Variants in GARRE1 observed in about 807,000 individuals in gnomAD.
The protein encoded by GARRE1 is granule associated Rac and RHOG effector 1, also known as granule associated Rac and RHOG effector protein 1.
Under a neutral mutation model 103.2 loss-of-function variants are expected in GARRE1, and 49 were observed. That is an observed-to-expected ratio of 0.47 (90% CI 0.38 to 0.60). The LOEUF is 0.60. Ranked by LOEUF, GARRE1 falls within the 20% of genes least tolerant of loss-of-function variation. The pLI, the probability that GARRE1 is intolerant of heterozygous loss-of-function variation, is 0.00. For synonymous variants in GARRE1, 505 were observed against 532.8 expected (o/e 0.95, Z 0.72); for missense variants, 1,199 against 1,370.5 (o/e 0.87, Z 1.98).
At position 34,354,923 on chromosome 19, in the gene GARRE1, T is replaced by C. The variant is rs2074263453; in HGVS notation, c.*1968T>C. On this transcript the variant is annotated 3_prime_UTR_variant, in exon 14 of 14. Transcript: ENST00000299505. Reference sequence around the variant, plus strand: ...CATGTTTACAAAGAACTGTTTTGTATATAGACATTTTCAGGCACGTGCTTT... The same window carrying C: ...CATGTTTACAAAGAACTGTTTTGTACATAGACATTTTCAGGCACGTGCTTT... The C allele has an allele frequency of 6.6e-6, 1 of 152,650 alleles. No individual in the cohort carries two copies. 9.5% of individuals were successfully genotyped at this position (152,650 alleles called of 1,614,324 possible).
Position 34,330,221 on chromosome 19 carries a change from C to G in GARRE1, c.1137C>G (p.Gly379=). 6.2e-7 allele frequency: 1 copy of G among 1,614,032 alleles called. No homozygotes were observed. The highest frequency in any genetic ancestry group is 2.2e-5 in the East Asian group (1 of 44,890). Residue 379 remains glycine (G), a synonymous_variant, in exon 7 of 14, where the codon GGC becomes GGG. Transcript: ENST00000299505. ...TGTTACAGCTGATGAAGGAGGCAGG[C>G]TGCTATAATGGAATCACATCCAGGG... is the stretch of plus-strand genomic sequence containing the variant. ...HTMLQLMKEA[G]CYNGITSRDD...
chr19:34,332,979 A>C (rs2074144166), intron 7 of GARRE1, among the ~76,000 whole-genome samples: 1 of 152,192 alleles, frequency 6.6e-6, no homozygotes, highest in Non-Finnish European at 1.5e-5. Context: ...ATAATCTTTA[A>C]AAAAGTTTCA....
chr19:34,261,419 T>TGCTCAA (rs1281879458), intron 1 of GARRE1, among the ~76,000 whole-genome samples: 145 of 152,274 alleles, frequency 9.5e-4, no homozygotes, highest in African/African-American at 3.5e-3. Context: ...TCTTTGAGCT[T>TGCTCAA]AGATAGCCTA....
chr19:34,284,226 G>A (rs886545043), intron 1 of GARRE1, among the ~76,000 whole-genome samples: 8 of 147,392 alleles, frequency 5.4e-5, no homozygotes, highest in Admixed American at 3.5e-4. Flanking sequence ...CACCTCCCAA[G>A]CGATTCTCCT....
intron 1 of GARRE1, chr19:34,296,693 C>T: frequency 2.5e-6 from 2 of 790,230 alleles, no homozygotes; most frequent in South Asian, 1.5e-5. Context: ...CATTTCTGTG[C>T]CATTTTCGGG....
rs140427267 is a variant in GARRE1 at position 34,353,377 on chromosome 19, T to C, written c.*422T>C. 21 of 195,588 alleles carry C rather than the reference T, an allele frequency of 1.1e-4. No homozygotes were observed. The East Asian group carries it at 2.5e-3, about 24-fold the overall frequency. 12.1% of individuals were successfully genotyped at this position (195,588 alleles called of 1,614,324 possible). On this transcript the variant is annotated 3_prime_UTR_variant, in exon 14 of 14. Coordinates refer to ENST00000299505, the MANE Select transcript of GARRE1 (RefSeq NM_014686.5). ...TTTTTGGAAACCCTCTCCTCCCTCCTCCACACCTTGAGTGATGACCACACC... is the reference window on the plus strand; with the variant it reads ...TTTTTGGAAACCCTCTCCTCCCTCCCCCACACCTTGAGTGATGACCACACC...
chr19:34,318,773 A>G (rs2145258735), intron 2 of GARRE1, among the ~76,000 whole-genome samples: 1 of 152,178 alleles, frequency 6.6e-6, no homozygotes, highest in Middle Eastern at 3.4e-3. Flanking sequence ...CGGGCATGGG[A>G]GCTCATGCCT....
intron 2 of GARRE1, among the ~76,000 whole-genome samples, chr19:34,318,104 G>T (rs749974907): frequency 6.6e-6 from 1 of 152,180 alleles, no homozygotes; most frequent in Non-Finnish European, 1.5e-5. Flanking sequence ...GTTTGCTTTA[G>T]TTTGGTCCTG....
At chr19:34,324,400 C>T (rs996460924) in intron 3 of GARRE1, among the ~76,000 whole-genome samples, 5 of 152,150 alleles carry the variant, frequency 3.3e-5, no homozygotes, top group Non-Finnish European at 5.9e-5. Flanking sequence ...GTATTTCAGG[C>T]ACATAGAACA....
At chr19:34,276,099 A>G (rs2073815617) in intron 1 of GARRE1, among the ~76,000 whole-genome samples, 1 of 151,882 alleles carries the variant, frequency 6.6e-6, no homozygotes, top group Non-Finnish European at 1.5e-5. Context: ...ACTGGTGTGC[A>G]GTGGTGCCAT....
At chr19:34,311,210 T>C (rs2074034754) in intron 2 of GARRE1, among the ~76,000 whole-genome samples, 1 of 152,100 alleles carries the variant, frequency 6.6e-6, no homozygotes, top group South Asian at 2.1e-4. Context: ...CAAGCTGCCA[T>C]TTTTTCTTAG....
chr19:34,278,289 C>G (rs1423146125), intron 1 of GARRE1, among the ~76,000 whole-genome samples: 1 of 151,622 alleles, frequency 6.6e-6, no homozygotes, highest in African/African-American at 2.4e-5. Flanking sequence ...GCTAAAAATA[C>G]AAAAATTAGC....
At position 34,327,775 on chromosome 19, in the gene GARRE1, A is replaced by G; in HGVS notation, c.851A>G (p.Tyr284Cys). 6.2e-7 allele frequency: 1 copy of G among 1,612,864 alleles called. No individual in the cohort carries two copies. Among genetic ancestry groups the G allele is most frequent in the Non-Finnish European group, 8.5e-7 (1 of 1,178,972 alleles). ...TTAAAAATAATTTATTTCCAGGCAT[A>G]TAAGATAGCTCTGGAAAGCTTAGGA... ...NIKIDSALQA[Y>C]KIALESLGHC... Residue 284 changes from tyrosine (Y) to cysteine (C), a missense_variant, in exon 5 of 14, where the codon TAT becomes TGT. Coordinates refer to ENST00000299505, the MANE Select transcript of GARRE1 (RefSeq NM_014686.5).
chr19:34,329,209 A>G (rs1242144654), intron 6 of GARRE1, among the ~76,000 whole-genome samples: 3 of 152,190 alleles, frequency 2.0e-5, no homozygotes, highest in Non-Finnish European at 1.5e-5. Context: ...TAGAAAGTAG[A>G]AGAGCTGGAA....
chr19:34,345,931 G>T (rs2074208751), intron 10 of GARRE1, among the ~76,000 whole-genome samples: 1 of 152,198 alleles, frequency 6.6e-6, no homozygotes, highest in Non-Finnish European at 1.5e-5. Flanking sequence ...TCCCTTCTGG[G>T]TGTTCCTTTC....
intron 2 of GARRE1, among the ~76,000 whole-genome samples, chr19:34,314,111 T>G (rs752539826): frequency 6.6e-6 from 1 of 152,148 alleles, no homozygotes; most frequent in Non-Finnish European, 1.5e-5. Context: ...AAAACTTGCA[T>G]TTTGAATGGG....
intron 2 of GARRE1, among the ~76,000 whole-genome samples, chr19:34,314,352 A>C (rs987851565): frequency 2.6e-5 from 4 of 151,298 alleles, no homozygotes; most frequent in Non-Finnish European, 4.4e-5. Flanking sequence ...TACTTTTTGC[A>C]AAAAAAAATC....
At chr19:34,319,389 A>T (rs1193098724) in intron 2 of GARRE1, among the ~76,000 whole-genome samples, 10 of 152,218 alleles carry the variant, frequency 6.6e-5, no homozygotes, top group Admixed American at 6.5e-4. Flanking sequence ...GACTGGAATG[A>T]TGACATACAA....
At chr19:34,278,653 G>T (rs1429560907) in intron 1 of GARRE1, among the ~76,000 whole-genome samples, 1 of 151,766 alleles carries the variant, frequency 6.6e-6, no homozygotes, top group Non-Finnish European at 1.5e-5. Flanking sequence ...ATCCATGTTG[G>T]AGCATGTTAT....
Sources: allele counts gnomAD v4.1 joint callset (sites outside exome capture counted in the v4.1 genomes callset), GRCh38; gene constraint gnomAD v4.1.1; transcripts MANE v1.5; gene names NCBI Gene and HGNC (gene_info 2026-07-23, HGNC 2026-07-21).